Variants in NUGGC observed in about 807,000 individuals in gnomAD.
NUGGC encodes the protein nuclear GTPase SLIP-GC.
In NUGGC, 58 loss-of-function variants were observed where a neutral mutation model predicts 92.6. That is an observed-to-expected ratio of 0.63 (90% CI 0.51 to 0.78). The LOEUF is 0.78. Ranked by LOEUF, NUGGC falls within the 30% of genes least tolerant of loss-of-function variation. The pLI is 0.00. For synonymous variants in NUGGC, 376 were observed against 366.4 expected (o/e 1.03, Z -0.30); for missense variants, 925 against 964.6 (o/e 0.96, Z 0.54).
At chr8:28,053,387 C>A (rs897700532) in intron 10 of NUGGC, among the ~76,000 whole-genome samples, 10 of 151,916 alleles carry the variant, frequency 6.6e-5, no homozygotes, top group South Asian at 2.1e-4. Context: ...GTGCGGAGTG[C>A]GGGCAGGAAG....
In NUGGC at chr8:28,067,663, T is replaced by C. The variant is rs576414038; in HGVS notation, c.562A>G (p.Asn188Asp). The C allele has an allele frequency of 1.5e-5, 24 of 1,614,028 alleles. No individual in the cohort carries two copies. In the East Asian group the frequency reaches 4.7e-4, roughly 31 times the overall value. The change falls in exon 6 of 19, where the codon AAC (asparagine) becomes GAC (aspartate). Residue 188 changes from asparagine to aspartate, a missense_variant. Physicochemically the swap from Asn to Asp is conservative, Grantham distance 23 (BLOSUM62 1). Coordinates refer to ENST00000413272, the MANE Select transcript of NUGGC (RefSeq NM_001010906.2). ...ELSREEADAWNRDEAVEEATW... is the reference protein window; with the variant it reads ...ELSREEADAWDRDEAVEEATW... ...GCTTCCTCCACTGCCTCATCCCTGT[T>C]CCACGCATCTGCCTCTTCTCTGCTC... is the stretch of plus-strand genomic sequence containing the variant.
At chr8:28,062,594 GC>G (rs1402572291) in intron 7 of NUGGC, among the ~76,000 whole-genome samples, 1 of 152,180 alleles carries the variant, frequency 6.6e-6, no homozygotes, top group Non-Finnish European at 1.5e-5. Context: ...TCCAGTCCAG[GC>G]AACAGAGCAA....
At chr8:28,044,749 T>A (rs1809785668) in intron 12 of NUGGC, among the ~76,000 whole-genome samples, 1 of 152,068 alleles carries the variant, frequency 6.6e-6, no homozygotes, top group South Asian at 2.1e-4. Context: ...AGATAAGAGG[T>A]TGGTTTCTGG....
At chr8:28,068,867 G>C (rs541274798) in intron 4 of NUGGC, among the ~76,000 whole-genome samples, 40 of 152,120 alleles carry the variant, frequency 2.6e-4, no homozygotes, top group Non-Finnish European at 5.7e-4. Context: ...CTCTGAAGTA[G>C]CTGGAACTAC....
intron 17 of NUGGC, among the ~76,000 whole-genome samples, chr8:28,029,032 T>C (rs1267973970): frequency 2.0e-5 from 3 of 152,150 alleles, no homozygotes; most frequent in Non-Finnish European, 4.4e-5. Flanking sequence ...AATGAGCTAA[T>C]GTAAATAGCT....
chr8:28,054,582 G>A (rs933169919), intron 10 of NUGGC, among the ~76,000 whole-genome samples: 97 of 152,288 alleles, frequency 6.4e-4, no homozygotes, highest in African/African-American at 2.3e-3. Context: ...ACTAAGTGCA[G>A]CTCAGGCCTT....
At chr8:28,027,987 T>G (rs552183569) in intron 17 of NUGGC, among the ~76,000 whole-genome samples, 139 of 152,102 alleles carry the variant, frequency 9.1e-4, no homozygotes, top group African/African-American at 3.2e-3. Context: ...TCAAACATTA[T>G]GTATAAAAAG....
chr8:28,079,794 G>A (rs561734527), intron 1 of NUGGC, among the ~76,000 whole-genome samples: 1 of 152,336 alleles, frequency 6.6e-6, no homozygotes, highest in African/African-American at 2.4e-5. Context: ...CAAATGCATG[G>A]CAAAGGCATT....
At chr8:28,051,812 C>T (rs1300439524) in intron 10 of NUGGC, among the ~76,000 whole-genome samples, 1 of 152,170 alleles carries the variant, frequency 6.6e-6, no homozygotes, top group African/African-American at 2.4e-5. Flanking sequence ...ATCCCAGCTA[C>T]TTGGGAGGCT....
At position 28,045,680 on chromosome 8, in the gene NUGGC, C is replaced by T; in HGVS notation, c.1313-20G>A. Reference sequence around the variant, plus strand: ...GGATTTCTGGAATTCACAGGCAGCACAAATAATTGTTAAAGGCCAGAAGTT... The same window carrying T: ...GGATTTCTGGAATTCACAGGCAGCATAAATAATTGTTAAAGGCCAGAAGTT... On this transcript the variant is annotated intron_variant, in intron 11 of 18. Transcript: ENST00000413272. The T allele has an allele frequency of 1.2e-6, 2 of 1,603,914 alleles. No homozygotes were observed. The highest frequency in any genetic ancestry group is 8.5e-7 in the Non-Finnish European group (1 of 1,176,966).
chr8:28,057,524 T>C (rs1465956544), intron 9 of NUGGC, among the ~76,000 whole-genome samples: 1 of 151,932 alleles, frequency 6.6e-6, no homozygotes, highest in Non-Finnish European at 1.5e-5. Flanking sequence ...GCGTTTTTAG[T>C]AGAAACGGGG....
At chr8:28,047,476 T>C (rs1057079616) in intron 11 of NUGGC, 31 bp downstream of exon 11, 5 of 1,328,314 alleles carry the variant, frequency 3.8e-6, no homozygotes, top group Non-Finnish European at 4.2e-6. Context: ...TTGAGAATTT[T>C]AGTGATGGAG....
chr8:28,079,162 T>C (rs899470436), intron 1 of NUGGC, among the ~76,000 whole-genome samples: 1 of 152,196 alleles, frequency 6.6e-6, no homozygotes, highest in African/African-American at 2.4e-5. Context: ...TGTTTGCTTA[T>C]TGTTTTTTTT....
At chr8:28,033,480 G>T in intron 14 of NUGGC, 60 bp downstream of exon 14, 1 of 1,513,186 alleles carries the variant, frequency 6.6e-7, no homozygotes, top group Non-Finnish European at 9.1e-7. Context: ...AATTCTTAAA[G>T]ACTGGCTCCA....
chr8:28,041,729 G>C (rs1474452084), intron 12 of NUGGC, among the ~76,000 whole-genome samples: 1 of 152,154 alleles, frequency 6.6e-6, no homozygotes, highest in South Asian at 2.1e-4. Flanking sequence ...AAGTAATGCT[G>C]GTCTTCCGAG....
chr8:28,072,416 C>T (rs759276496), intron 2 of NUGGC, among the ~76,000 whole-genome samples: 1 of 152,208 alleles, frequency 6.6e-6, no homozygotes, highest in Non-Finnish European at 1.5e-5. Context: ...TCTCAGAACT[C>T]CAGGATGTGT....
chr8:28,079,463 C>A (rs1810796374), intron 1 of NUGGC, among the ~76,000 whole-genome samples: 1 of 152,032 alleles, frequency 6.6e-6, no homozygotes, highest in South Asian at 2.1e-4. Context: ...TTGCTTGAAC[C>A]CAGGAAGTGG....
At chr8:28,030,481 T>C in intron 15 of NUGGC, 63 bp from the exon 16 acceptor site, 1 of 824,942 alleles carries the variant, frequency 1.2e-6, no homozygotes, top group East Asian at 2.7e-5. Context: ...AGGTCAGGTG[T>C]CCCAGTGCAT....
chr8:28,037,386 C>A (rs546549404), intron 13 of NUGGC, among the ~76,000 whole-genome samples: 1 of 152,260 alleles, frequency 6.6e-6, no homozygotes, highest in South Asian at 2.1e-4. Context: ...TGAGCTCTGG[C>A]CTTCCTCCCC....
Sources: allele counts gnomAD v4.1 joint callset (sites outside exome capture counted in the v4.1 genomes callset), GRCh38; gene constraint gnomAD v4.1.1; transcripts MANE v1.5; gene names NCBI Gene and HGNC (gene_info 2026-07-23, HGNC 2026-07-21).